The following UBE3A variants were observed in gnomAD, a reference collection of about 807,000 sequenced individuals.
The protein encoded by UBE3A is ubiquitin-protein ligase E3A.
A neutral mutation model predicts 83.4 loss-of-function variants in UBE3A; 6 were observed. That is an observed-to-expected ratio of 0.07 (90% CI 0.04 to 0.14). The LOEUF is 0.14. Among genes scored for constraint, UBE3A ranks in the 10% least tolerant of loss-of-function variants. The pLI is 1.00. For synonymous variants in UBE3A, 337 were observed against 355.4 expected (o/e 0.95, Z 0.58); for missense variants, 456 against 1,036.1 (o/e 0.44, Z 7.69).
intron 1 of UBE3A, among the ~76,000 whole-genome samples, chr15:25,423,388 T>C (rs1480437618): frequency 6.6e-6 from 1 of 152,218 alleles, no homozygotes; most frequent in Non-Finnish European, 1.5e-5. Flanking sequence ...ACCTATCAAA[T>C]ATTTAGATTG....
intron 4 of UBE3A, among the ~76,000 whole-genome samples, chr15:25,401,087 G>A (rs764495475): frequency 6.6e-6 from 1 of 152,048 alleles, no homozygotes; most frequent in Non-Finnish European, 1.5e-5. Context: ...TTTGGCCTTT[G>A]TTCTCCTAAT....
rs370382740 is a variant in UBE3A at position 25,429,076 on chromosome 15, ATAC to A, written c.-165+9410_-165+9412del. Among the ~76,000 whole-genome samples the A allele has an allele frequency of 1.4e-4, 21 of 152,326 alleles. No individual in the cohort carries two copies. The East Asian group carries it at 3.9e-3, about 28-fold the overall frequency. On this transcript the variant is annotated intron_variant, in intron 1 of 12. Transcript: ENST00000648336. ...TCAACATATACACCTCAAAAACTTG[ATAC>A]TGAGTTTAAAAAAATCAAGCTATTG... is the stretch of plus-strand genomic sequence containing the variant.
intron 4 of UBE3A, among the ~76,000 whole-genome samples, chr15:25,396,497 C>T (rs1386803504): frequency 1.3e-5 from 2 of 152,076 alleles, no homozygotes; most frequent in Middle Eastern, 3.2e-3. Context: ...GTGGCACATG[C>T]CTGTAGTCCC....
Position 25,337,395 on chromosome 15 carries a change from C to CT in UBE3A, c.*1741dup. On this transcript the variant is annotated 3_prime_UTR_variant, in exon 13 of 13. Coordinates refer to ENST00000648336, the MANE Select transcript of UBE3A (RefSeq NM_130839.5). Reference sequence around the variant, plus strand: ...CTTTCATCAAGGTAGCGTATGTACCCTAACAGTGTTCTAAAGGCTGGCCCA... The same window carrying CT: ...CTTTCATCAAGGTAGCGTATGTACCCTTAACAGTGTTCTAAAGGCTGGCCCA... The CT allele has an allele frequency of 6.6e-6, 1 of 152,070 alleles. No individual in the cohort carries two copies. The allele number at this position is 152,070 out of a possible 1,614,324, so 9.4% of individuals were successfully genotyped here. A position where few individuals can be genotyped will look rare whatever the true frequency, so the allele number is the denominator to read the frequency against.
At position 25,335,098 on chromosome 15, in the gene UBE3A, G is replaced by C. The variant is rs1355119547; in HGVS notation, c.*4039C>G. ...AAGAAAATTCCTTAACTGAAATGTG[G>C]AAAGAGTATCAAGAGGAGACCCTAA... On this transcript the variant is annotated 3_prime_UTR_variant, in exon 13 of 13. Transcript: ENST00000648336. The C allele has an allele frequency of 6.6e-6, 1 of 152,104 alleles. No homozygotes were observed. The highest frequency in any genetic ancestry group is 1.9e-4 in the East Asian group (1 of 5,174). The allele number at this position is 152,104 out of a possible 1,614,324, so 9.4% of individuals were successfully genotyped here.
chr15:25,431,759 C>T (rs894144827), intron 1 of UBE3A, among the ~76,000 whole-genome samples: 1 of 152,118 alleles, frequency 6.6e-6, no homozygotes, highest in Non-Finnish European at 1.5e-5. Flanking sequence ...CATTAGTATA[C>T]GTATCACATA....
At chr15:25,393,400 C>T (rs2084855647) in intron 4 of UBE3A, among the ~76,000 whole-genome samples, 6 of 152,102 alleles carry the variant, frequency 3.9e-5, no homozygotes, top group Admixed American at 3.9e-4. Flanking sequence ...TGTTAAGAGG[C>T]AGACAGCAGT....
Position 25,438,981 on chromosome 15 carries a change from G to A in UBE3A, c.-657C>T, listed in dbSNP as rs560336648. On this transcript the variant is annotated 5_prime_UTR_variant, in exon 1 of 13. Transcript: ENST00000648336. ...CCCCGAGCCCAGCGCCACCATCTTG[G>A]GAGACACACGGATCTCGCGGCCGCG... is the stretch of plus-strand genomic sequence containing the variant. The A allele has an allele frequency of 1.3e-5, 2 of 152,232 alleles. No individual in the cohort carries two copies. Among genetic ancestry groups the A allele is most frequent in the Non-Finnish European group, 1.5e-5 (1 of 68,044 alleles). The allele number at this position is 152,232 out of a possible 1,614,324, so 9.4% of individuals were successfully genotyped here.
At chr15:25,377,019 T>C (rs1377095156) in intron 4 of UBE3A, among the ~76,000 whole-genome samples, 1 of 152,094 alleles carries the variant, frequency 6.6e-6, no homozygotes, top group Non-Finnish European at 1.5e-5. Flanking sequence ...TTCCTTTTGG[T>C]CCCAAATTCA....
chr15:25,378,835 A>G (rs938999655), intron 4 of UBE3A, among the ~76,000 whole-genome samples: 10 of 152,206 alleles, frequency 6.6e-5, no homozygotes, highest in Non-Finnish European at 1.2e-4. Flanking sequence ...TTATGCATCT[A>G]TCTGGTACCA....
At chr15:25,403,273 C>G (rs2087622964) in intron 4 of UBE3A, among the ~76,000 whole-genome samples, 1 of 152,230 alleles carries the variant, frequency 6.6e-6, no homozygotes, top group South Asian at 2.1e-4. Flanking sequence ...CTTCTTCACC[C>G]ATTCCCCTCA....
chr15:25,371,654 C>A lies in UBE3A; in HGVS notation c.520G>T (p.Glu174Ter). 6.2e-7 allele frequency: 1 copy of A among 1,614,040 alleles called. No individual in the cohort carries two copies. Among genetic ancestry groups the A allele is most frequent in the Non-Finnish European group, 8.5e-7 (1 of 1,180,002 alleles). Reference sequence around the variant, plus strand: ...TCTTTTGCTTGAAGAGATTTCAGTTCTTCCTTGGTGTGTTGTTTAACTTTC... The same window carrying A: ...TCTTTTGCTTGAAGAGATTTCAGTTATTCCTTGGTGTGTTGTTTAACTTTC... ...FRKVKQHTKE[E>*]LKSLQAKDED... The change falls in exon 6 of 13, where the codon GAA becomes TAA. Residue 174 changes from glutamate (E) to a stop codon, truncating the protein, a stop_gained. Transcript: ENST00000648336. LOFTEE classifies it high-confidence loss of function. The surrounding 1 kb of genome is among the most constrained non-coding windows in gnomAD (Gnocchi z 5.3).
chr15:25,340,408 T>C (rs1230325039), intron 11 of UBE3A, among the ~76,000 whole-genome samples, 180 bp from the exon 12 acceptor site: 1 of 152,168 alleles, frequency 6.6e-6, no homozygotes, highest in African/African-American at 2.4e-5. Context: ...CAGCTCTGAA[T>C]ACGTAAAAAT....
chr15:25,353,320 C>T (rs1259435314), intron 11 of UBE3A, among the ~76,000 whole-genome samples: 1 of 152,142 alleles, frequency 6.6e-6, no homozygotes, highest in Non-Finnish European at 1.5e-5. Context: ...AATAACAGAA[C>T]AAATGAATAT....
intron 4 of UBE3A, among the ~76,000 whole-genome samples, chr15:25,397,977 CT>C (rs1358719950): frequency 1.3e-5 from 2 of 152,016 alleles, no homozygotes; most frequent in Non-Finnish European, 2.9e-5. Flanking sequence ...TCTCAGCTAT[CT>C]TTGTAAGAGT....
chr15:25,350,109 A>G (rs1265150119), intron 11 of UBE3A, among the ~76,000 whole-genome samples: 1 of 152,176 alleles, frequency 6.6e-6, no homozygotes, highest in Non-Finnish European at 1.5e-5. Context: ...CTACAAAAAA[A>G]TAACCAACTA....
intron 1 of UBE3A, among the ~76,000 whole-genome samples, chr15:25,413,899 T>C (rs1186413684): frequency 2.0e-5 from 3 of 152,144 alleles, no homozygotes; most frequent in East Asian, 3.9e-4. Context: ...CTAAAGGCAA[T>C]AAGGTCTTCT....
chr15:25,434,969 TACAC>T (rs55856025), intron 1 of UBE3A, among the ~76,000 whole-genome samples: 12,805 of 142,878 alleles, frequency 0.09, 760 homozygotes, highest in Middle Eastern at 0.14. Context: ...TCTATATACA[TACAC>T]ACACACACAC....
intron 1 of UBE3A, 130 bp from the exon 2 acceptor site, chr15:25,412,101 C>T (rs1217162659): frequency 6.6e-6 from 1 of 152,078 alleles, no homozygotes; most frequent in Non-Finnish European, 1.5e-5. Flanking sequence ...AAAAACGTAT[C>T]AAGAAACAAA....
Sources: gnomAD v4.1 joint callset for allele counts (sites outside exome capture counted in the v4.1 genomes callset) on GRCh38, gnomAD v4.1.1 for gene constraint, Gnocchi (gnomAD v3.1) non-coding constraint, MANE v1.5 for transcripts, NCBI Gene and HGNC (gene_info 2026-07-23, HGNC 2026-07-21) for gene names.